ERN1: variants seen among roughly 807,000 people sequenced by gnomAD.
The protein encoded by ERN1 is endoplasmic reticulum to nucleus signaling 1.
Under a neutral mutation model 113.1 loss-of-function variants are expected in ERN1, and 39 were observed. The ratio of observed to expected loss-of-function variants is 0.34; its 90% CI spans 0.27 to 0.45. ERN1 has a LOEUF of 0.45. Ranked by LOEUF, ERN1 falls within the 20% of genes least tolerant of loss-of-function variation. The pLI is 1.00. For missense variants in ERN1, 976 were observed against 1,274.8 expected, an observed-to-expected ratio of 0.77 and a Z score of 3.57; for synonymous variants, 507 against 515.9, an observed-to-expected ratio of 0.98 and a Z score of 0.23.
intron 10 of ERN1, among the ~76,000 whole-genome samples, chr17:64,062,386 G>A (rs1394897025): frequency 6.6e-6 from 1 of 152,222 alleles, no homozygotes; most frequent in Non-Finnish European, 1.5e-5. Flanking sequence ...ACATAGTAGG[G>A]CATATCCTTT....
chr17:64,127,742 G>A (rs141007239), intron 1 of ERN1, among the ~76,000 whole-genome samples: 2,761 of 134,426 alleles, frequency 0.021, 85 homozygotes, highest in African/African-American at 0.077. Context: ...CAACAAGAGC[G>A]AAGAAACTCC....
intron 1 of ERN1, among the ~76,000 whole-genome samples, chr17:64,119,376 G>GTTTTTTTTTTTTTTTTTTTTTTTTTTTTT: frequency 1.3e-5 from 1 of 77,910 alleles, no homozygotes; most frequent in Non-Finnish European, 2.5e-5. Context: ...TTTTTTCTAG[G>GTTTTTTTTTTTTTTTTTTTTTTTTTTTTT]TTTTTTTTTT....
intron 2 of ERN1, among the ~76,000 whole-genome samples, chr17:64,088,652 T>C (rs561084501): frequency 6.6e-6 from 1 of 152,112 alleles, no homozygotes; most frequent in Non-Finnish European, 1.5e-5. Flanking sequence ...CTCTGTTAAG[T>C]GCCATGCAGG....
intron 1 of ERN1, chr17:64,129,598 G>T (rs1457746219): frequency 2.8e-6 from 1 of 361,598 alleles, no homozygotes; most frequent in East Asian, 4.1e-5. Flanking sequence ...GCCCGCCCGC[G>T]AGGAGGAGGG....
Position 64,049,106 on chromosome 17 carries a change from TG to T in ERN1, c.2349del (p.Asn784ThrfsTer25). Reference sequence around the variant, plus strand: ...AGGCTGCAGGCACCCAGGAGGATGTTGGCCTGCCGCTGCAGGGACTTGCCAA... The same window carrying T: ...AGGCTGCAGGCACCCAGGAGGATGTTGCCTGCCGCTGCAGGGACTTGCCAA... Reference protein sequence around the residue: ...HPFGKSLQRQANILLGACSLD... With the variant: ...HPFGKSLQRQXNILLGACSLD... On this transcript the variant is annotated frameshift_variant, in exon 18 of 22. Coordinates refer to ENST00000433197, the MANE Select transcript of ERN1 (RefSeq NM_001433.5). LOFTEE classifies it high-confidence loss of function. This position sits in a 1 kb window ranked among gnomAD's most constrained non-coding sequence, Gnocchi z 4.7. 4.3e-6 allele frequency: 7 copies of T among 1,610,028 alleles called. No homozygotes were observed. The highest frequency in any genetic ancestry group is 5.9e-6 in the Non-Finnish European group (7 of 1,176,860).
Position 64,049,260 on chromosome 17 carries a change from A to T in ERN1, c.2254-58T>A. 3 of 1,473,878 alleles carry T rather than the reference A, an allele frequency of 2.0e-6. No homozygotes were observed. The highest frequency in any genetic ancestry group is 2.8e-6 in the Non-Finnish European group (3 of 1,089,978). 91.3% of individuals were successfully genotyped at this position (1,473,878 alleles called of 1,614,324 possible). ...GAGCAGAGTTTTCATCCTCACTCAC[A>T]GTCAGGGAGGGAGGAGCATTGCTGC... On this transcript the variant is annotated intron_variant, in intron 17 of 21. Coordinates refer to ENST00000433197, the MANE Select transcript of ERN1 (RefSeq NM_001433.5). This position sits in a 1 kb window ranked among gnomAD's most constrained non-coding sequence, Gnocchi z 4.7.
At chr17:64,087,869 AG>A (rs1253727306) in intron 2 of ERN1, among the ~76,000 whole-genome samples, 1 of 152,192 alleles carries the variant, frequency 6.6e-6, no homozygotes, top group African/African-American at 2.4e-5. Context: ...AAGAGCATGA[AG>A]GACCCTGTCA....
At chr17:64,128,796 A>C (rs936844905) in intron 1 of ERN1, 1 of 151,976 alleles carries the variant, frequency 6.6e-6, no homozygotes, top group Non-Finnish European at 1.5e-5. Context: ...AAAAAAAAAA[A>C]CCCTGAATTT....
In ERN1 at chr17:64,054,810, A is replaced by C; in HGVS notation, c.1691T>G (p.Val564Gly). The C allele has an allele frequency of 1.9e-6, 3 of 1,608,342 alleles. No homozygotes were observed. The highest frequency in any genetic ancestry group is 1.7e-5 in the Admixed American group (1 of 59,318). The part of the protein sequence containing the change: ...QDDGDEETSV[V>G]IVGKISFCPK... Reference sequence around the variant, plus strand: ...ACAGAAGGAAATTTTCCCAACTATCACCACGCTGGTTTCCTCATCTGGGAC... The same window carrying C: ...ACAGAAGGAAATTTTCCCAACTATCCCCACGCTGGTTTCCTCATCTGGGAC... Residue 564 changes from valine to glycine, a missense_variant, in exon 14 of 22, where the codon GTG becomes GGG. By Grantham distance (109) the Val-to-Gly change is moderately radical. Around this residue, in one of 5 missense-constraint regions of ERN1, gnomAD observed 112 missense variants for 106.2 expected, o/e 1.05. Coordinates refer to ENST00000433197, the MANE Select transcript of ERN1 (RefSeq NM_001433.5). The surrounding 1 kb of genome is among the most constrained non-coding windows in gnomAD (Gnocchi z 4.9).
intron 20 of ERN1, 141 bp from the exon 21 acceptor site, chr17:64,045,068 C>T: frequency 1.4e-6 from 1 of 723,820 alleles, no homozygotes; most frequent in Non-Finnish European, 2.3e-6. Flanking sequence ...GGAGCAGATC[C>T]TCCCATCCAA....
chr17:64,088,842 G>A (rs1473884245), intron 2 of ERN1, among the ~76,000 whole-genome samples: 2 of 152,150 alleles, frequency 1.3e-5, no homozygotes, highest in African/African-American at 4.8e-5. Flanking sequence ...GACAACATGA[G>A]TGAAAAAATG....
At chr17:64,115,494 CT>C (rs1167763770) in intron 1 of ERN1, among the ~76,000 whole-genome samples, 1 of 152,194 alleles carries the variant, frequency 6.6e-6, no homozygotes, top group Non-Finnish European at 1.5e-5. Context: ...CATGGCCGAA[CT>C]TCCCGAAAGC....
rs1188203732 is a variant in ERN1, at chr17:64,042,915, T to G, written c.*1073A>C. 3.9e-5 allele frequency: 6 copies of G among 152,256 alleles called. No individual in the cohort carries two copies. Among genetic ancestry groups the G allele is most frequent in the African/African-American group, 9.6e-5 (4 of 41,460 alleles). 9.4% of individuals were successfully genotyped at this position (152,256 alleles called of 1,614,324 possible). ...GCTTACTTATGCTGACATAGCATTC[T>G]ACAGTATAATCAAAATATAGTTATT... On this transcript the variant is annotated 3_prime_UTR_variant, in exon 22 of 22. Coordinates refer to ENST00000433197, the MANE Select transcript of ERN1 (RefSeq NM_001433.5).
At chr17:64,092,856 T>C (rs746040464) in intron 2 of ERN1, among the ~76,000 whole-genome samples, 4 of 152,158 alleles carry the variant, frequency 2.6e-5, no homozygotes, top group Non-Finnish European at 5.9e-5. Flanking sequence ...GATGGCAACA[T>C]TCTCAGTTTG....
intron 5 of ERN1, among the ~76,000 whole-genome samples, chr17:64,074,238 G>A (rs751428122): frequency 6.6e-6 from 1 of 152,118 alleles, no homozygotes; most frequent in African/African-American, 2.4e-5. Flanking sequence ...TCGCCTAAGA[G>A]GCCACAGCAC....
intron 1 of ERN1, among the ~76,000 whole-genome samples, chr17:64,102,471 C>G (rs960879686): frequency 6.6e-6 from 1 of 152,180 alleles, no homozygotes; most frequent in South Asian, 2.1e-4. Flanking sequence ...TGTACCAAAT[C>G]GAAACTCCTG....
chr17:64,071,322 C>T (rs1427438440), intron 6 of ERN1, among the ~76,000 whole-genome samples: 1 of 152,230 alleles, frequency 6.6e-6, no homozygotes, highest in African/African-American at 2.4e-5. Flanking sequence ...TAGGCAAAAA[C>T]AGGCATACCT....
chr17:64,047,876 C>T lies in ERN1; in HGVS notation c.2511G>A (p.Lys837=), dbSNP rs767734865. The T allele has an allele frequency of 1.1e-5, 18 of 1,611,262 alleles. No individual in the cohort carries two copies. The South Asian group carries it at 1.4e-4, about 13-fold the overall frequency. Reference sequence around the variant, plus strand: ...TCTCTACCTGGAAGAACTGGAGCTGCTTCTCTAGGCTCCAGAAGAACGGGT... The same window carrying T: ...TCTCTACCTGGAAGAACTGGAGCTGTTTCTCTAGGCTCCAGAAGAACGGGT... ...LKHPFFWSLE[K]QLQFFQDVSD... The change falls in exon 19 of 22, where the codon AAG becomes AAA. Residue 837 remains lysine, a synonymous_variant. Coordinates refer to ENST00000433197, the MANE Select transcript of ERN1 (RefSeq NM_001433.5).
chr17:64,064,092 C>T lies in ERN1; in HGVS notation c.981G>A (p.Gly327=). ...GCGTGATCACACACTCCCCCTTGTC[C>T]CCAATGGTGACGCCATCAGTCTGGG... ...EGPQTDGVTI[G]DKGECVITPS... is the part of the protein sequence containing the mutation. Residue 327 remains glycine, a synonymous_variant, in exon 10 of 22, where the codon GGG becomes GGA. Transcript: ENST00000433197. The T allele has an allele frequency of 6.2e-7, 1 of 1,612,790 alleles. No homozygotes were observed.
Sources: allele counts gnomAD v4.1 joint callset (sites outside exome capture counted in the v4.1 genomes callset), GRCh38; gene constraint gnomAD v4.1.1; regional missense constraint gnomAD v4.1.1; non-coding constraint Gnocchi (gnomAD v3.1); transcripts MANE v1.5; gene names NCBI Gene and HGNC (gene_info 2026-07-23, HGNC 2026-07-21).